Variants in PHC3 observed in about 807,000 individuals in gnomAD.
PHC3 encodes polyhomeotic homolog 3.
Under a neutral mutation model 107.4 loss-of-function variants are expected in PHC3, and 13 were observed. The ratio of observed to expected loss-of-function variants is 0.12; its 90% CI spans 0.08 to 0.19. PHC3 has a LOEUF of 0.19. Ranked by LOEUF, PHC3 falls within the 10% of genes least tolerant of loss-of-function variation. The probability of loss-of-function intolerance (pLI) is 1.00; values close to 1 mark genes in which losing one functional copy is unlikely to be tolerated. For missense variants in PHC3, 992 were observed against 1,210.9 expected (o/e 0.82, Z 2.68); for synonymous variants, 456 against 427.4 (o/e 1.07, Z -0.83).
intron 9 of PHC3, among the ~76,000 whole-genome samples, chr3:170,119,045 AAAAAAAAAAAG>A (rs1719641593): frequency 6.6e-6 from 1 of 151,274 alleles, no homozygotes. Context: ...CTAAAAAAAA[AAAAAAAAAAAG>A]AAAAAGAAAA....
intron 8 of PHC3, among the ~76,000 whole-genome samples, chr3:170,127,537 T>C (rs1217229611): frequency 6.6e-6 from 1 of 152,140 alleles, no homozygotes; most frequent in Non-Finnish European, 1.5e-5. Context: ...TCAGTAAGAA[T>C]GACAAGAATA....
At chr3:170,113,606 C>A (rs959412377) in intron 10 of PHC3, 87 bp from the exon 11 acceptor site, 2 of 1,274,716 alleles carry the variant, frequency 1.6e-6, no homozygotes, top group Middle Eastern at 2.0e-4. Flanking sequence ...TAAAATGAAA[C>A]CTATTTGTGA....
chr3:170,130,128 A>G (rs1180664108), intron 7 of PHC3, among the ~76,000 whole-genome samples: 1 of 152,230 alleles, frequency 6.6e-6, no homozygotes, highest in African/African-American at 2.4e-5. Context: ...TGTTCTTATT[A>G]TATTTTATAG....
chr3:170,159,375 G>C (rs1727477025), intron 4 of PHC3, among the ~76,000 whole-genome samples: 1 of 151,628 alleles, frequency 6.6e-6, no homozygotes, highest in Non-Finnish European at 1.5e-5. Context: ...AATGCTCTGA[G>C]AAATTATAAA....
chr3:170,135,568 A>G (rs1215634298), intron 7 of PHC3, among the ~76,000 whole-genome samples: 3 of 152,114 alleles, frequency 2.0e-5, no homozygotes, highest in African/African-American at 7.2e-5. Context: ...ATGCAGCTAC[A>G]TTAAGAATAA....
chr3:170,117,778 A>G (rs1211586200), intron 9 of PHC3, among the ~76,000 whole-genome samples: 2 of 150,864 alleles, frequency 1.3e-5, no homozygotes, highest in Non-Finnish European at 2.9e-5. Flanking sequence ...TGGGTGGATC[A>G]CCTGAGGAGA....
rs1714731851 is a variant in PHC3 at position 170,097,189 on chromosome 3, GA to G, written c.*40del. ...GCCTTTACCTTACAAGTTTTTGTGAGAAAAGTAAAACTGCTGTTTTATCAAG... is the reference window on the plus strand; with the variant it reads ...GCCTTTACCTTACAAGTTTTTGTGAGAAAGTAAAACTGCTGTTTTATCAAG... On this transcript the variant is annotated 3_prime_UTR_variant, in exon 15 of 15. Coordinates refer to ENST00000495893, the MANE Select transcript of PHC3 (RefSeq NM_024947.4). The surrounding 1 kb of genome is among the most constrained non-coding windows in gnomAD (Gnocchi z 4.1). 6.4e-7 allele frequency: 1 copy of G among 1,551,604 alleles called. No homozygotes were observed. Among genetic ancestry groups the G allele is most frequent in the African/African-American group, 1.4e-5 (1 of 73,518 alleles).
At chr3:170,143,521 T>C (rs1013726555) in intron 6 of PHC3, among the ~76,000 whole-genome samples, 14 of 152,174 alleles carry the variant, frequency 9.2e-5, no homozygotes, top group African/African-American at 2.4e-4. Context: ...TACCAGAAGA[T>C]TGAGAACTAT....
rs1430149706 is a variant in PHC3 at position 170,093,173 on chromosome 3, A to G, written c.*4057T>C. On this transcript the variant is annotated 3_prime_UTR_variant, in exon 15 of 15. Coordinates refer to ENST00000495893, the MANE Select transcript of PHC3 (RefSeq NM_024947.4). ...CACTGCCCAAAGGTTGCTCTGGAAC[A>G]TGACTGTCAGGTATCAGAAAGTCCT... 1 of 152,260 alleles carries G rather than the reference A, an allele frequency of 6.6e-6. No homozygotes were observed. Among genetic ancestry groups the G allele is most frequent in the Non-Finnish European group, 1.5e-5 (1 of 68,084 alleles). 9.4% of individuals were successfully genotyped at this position (152,260 alleles called of 1,614,324 possible).
At chr3:170,112,486 G>C (rs59385594) in intron 11 of PHC3, among the ~76,000 whole-genome samples, 50 of 148,582 alleles carry the variant, frequency 3.4e-4, no homozygotes, top group African/African-American at 1.2e-3. Flanking sequence ...GCCTCCCAAA[G>C]TGCTGGGATT....
At chr3:170,163,691 C>T (rs1320431358) in intron 4 of PHC3, among the ~76,000 whole-genome samples, 1 of 151,518 alleles carries the variant, frequency 6.6e-6, no homozygotes, top group African/African-American at 2.4e-5. Flanking sequence ...GGTGAAACCC[C>T]ATCTCTACTA....
At chr3:170,126,768 T>G (rs1269612830) in intron 8 of PHC3, among the ~76,000 whole-genome samples, 2 of 151,862 alleles carry the variant, frequency 1.3e-5, no homozygotes, top group Non-Finnish European at 2.9e-5. Flanking sequence ...CTTGAACTCC[T>G]GACCTCAGGT....
At chr3:170,111,404 G>GGAAA (rs1717729248) in intron 11 of PHC3, among the ~76,000 whole-genome samples, 1 of 148,446 alleles carries the variant, frequency 6.7e-6, no homozygotes, top group African/African-American at 2.5e-5. Flanking sequence ...GAGGAAGGAA[G>GGAAA]GAAGGAAGGA....
intron 8 of PHC3, among the ~76,000 whole-genome samples, chr3:170,126,363 A>T (rs1721229400): frequency 6.6e-6 from 1 of 151,782 alleles, no homozygotes; most frequent in South Asian, 2.1e-4. Context: ...AAACATCCAT[A>T]GCAAGCATTA....
chr3:170,100,738 G>T (rs1375403637), intron 14 of PHC3, among the ~76,000 whole-genome samples: 2 of 152,136 alleles, frequency 1.3e-5, no homozygotes, highest in Non-Finnish European at 1.5e-5. Context: ...CTTTGTTCTG[G>T]TAAAGTAGCC....
Position 170,102,592 on chromosome 3 carries a change from C to G in PHC3, c.2720G>C (p.Arg907Pro). Residue 907 changes from arginine (R) to proline (P), a missense_variant, in exon 14 of 15, where the codon CGG becomes CCG. Arg to Pro is a moderately radical substitution (Grantham distance 103, BLOSUM62 -2). This residue lies in a region of PHC3 where 228 missense variants were observed against 288.8 expected (regional missense o/e 0.79). Coordinates refer to ENST00000495893, the MANE Select transcript of PHC3 (RefSeq NM_024947.4). ...AGGCATTTTCCGAATTCTCACATCC[C>G]GAAGCTCACGTTCTCTTTCCCGCTC... ...QSEREREREL[R>P]DVRIRKMPEN... 6.2e-7 allele frequency: 1 copy of G among 1,613,908 alleles called. No individual in the cohort carries two copies. The highest frequency in any genetic ancestry group is 8.5e-7 in the Non-Finnish European group (1 of 1,179,852).
intron 8 of PHC3, among the ~76,000 whole-genome samples, chr3:170,126,879 C>A (rs2108448728): frequency 6.6e-6 from 1 of 151,982 alleles, no homozygotes; most frequent in South Asian, 2.1e-4. Flanking sequence ...TATAGCTTCC[C>A]CTAACATAAA....
chr3:170,159,164 C>G (rs962560118), intron 4 of PHC3, among the ~76,000 whole-genome samples: 1 of 146,220 alleles, frequency 6.8e-6, no homozygotes, highest in East Asian at 2.0e-4. Context: ...GGCAGGAGAA[C>G]GGGCGTGAAC....
chr3:170,114,464 A>G (rs570877085), intron 10 of PHC3, among the ~76,000 whole-genome samples: 1 of 152,358 alleles, frequency 6.6e-6, no homozygotes, highest in Admixed American at 6.5e-5. Context: ...TATTTTCTGG[A>G]TAAGAAAACT....
Sources: allele counts gnomAD v4.1 joint callset (sites outside exome capture counted in the v4.1 genomes callset), GRCh38; gene constraint gnomAD v4.1.1; regional missense constraint gnomAD v4.1.1; non-coding constraint Gnocchi (gnomAD v3.1); transcripts MANE v1.5; gene names NCBI Gene and HGNC (gene_info 2026-07-23, HGNC 2026-07-21).